The following NBAS variants were observed in gnomAD, a reference collection of about 807,000 sequenced individuals.
The protein encoded by NBAS is NAG/BC035112 fusion.
A neutral mutation model predicts 302.5 loss-of-function variants in NBAS; 219 were observed. The observed-to-expected ratio is 0.72, with a 90% CI of 0.65 to 0.81. The LOEUF is 0.81. Ranked by LOEUF, NBAS falls within the 30% of genes least tolerant of loss-of-function variation. NBAS has a pLI of 0.00. For missense variants in NBAS, 2,932 were observed against 2,841.6 expected, an observed-to-expected ratio of 1.03 and a Z score of -0.72; for synonymous variants, 1,118 against 1,021.6, an observed-to-expected ratio of 1.09 and a Z score of -1.80.
At chr2:15,077,986 A>G in the NBAS span, among the ~76,000 whole-genome samples, 35 of 152,296 alleles carry the variant, frequency 2.3e-4, no homozygotes, top group African/African-American at 7.2e-4. Flanking sequence ...CTGGCCCAAG[A>G]AGGCTTCTTC....
At chr2:15,016,787 T>G in the NBAS span, among the ~76,000 whole-genome samples, 1 of 152,116 alleles carries the variant, frequency 6.6e-6, no homozygotes, top group Non-Finnish European at 1.5e-5. Context: ...CATAGACCAA[T>G]GGAACAGAAT....
chr2:14,930,155 T>C, the NBAS span, among the ~76,000 whole-genome samples: 2 of 152,212 alleles, frequency 1.3e-5, no homozygotes, highest in African/African-American at 2.4e-5. Flanking sequence ...TAGTTCTACA[T>C]AGCAGTGTGA....
the NBAS span, among the ~76,000 whole-genome samples, chr2:14,909,115 G>T: frequency 6.6e-6 from 1 of 151,924 alleles, no homozygotes; most frequent in Non-Finnish European, 1.5e-5. Flanking sequence ...GGCGGATCAC[G>T]AGGTCAGGAG....
intron 9 of NBAS, among the ~76,000 whole-genome samples, chr2:15,516,957 T>C (rs1445117215): frequency 1.3e-5 from 2 of 152,256 alleles, no homozygotes; most frequent in East Asian, 3.9e-4. Flanking sequence ...TAGTAACTCT[T>C]AAAAACTACT....
At chr2:14,845,971 G>A in the NBAS span, among the ~76,000 whole-genome samples, 1 of 152,108 alleles carries the variant, frequency 6.6e-6, no homozygotes, top group East Asian at 1.9e-4. Flanking sequence ...TGAAGGTAGA[G>A]ATAGGGTAGA....
the NBAS span, among the ~76,000 whole-genome samples, chr2:14,971,964 T>C: frequency 6.6e-6 from 1 of 152,282 alleles, no homozygotes; most frequent in Non-Finnish European, 1.5e-5. Context: ...CATAAAATGA[T>C]GCCAGTGATG....
At chr2:15,039,345 C>T in the NBAS span, among the ~76,000 whole-genome samples, 1 of 152,126 alleles carries the variant, frequency 6.6e-6, no homozygotes, top group Non-Finnish European at 1.5e-5. Flanking sequence ...CTCTAAGGCG[C>T]CTTCAGCTCA....
intron 48 of NBAS, among the ~76,000 whole-genome samples, chr2:15,214,219 A>C (rs1039421149): frequency 2.0e-5 from 3 of 152,224 alleles, no homozygotes; most frequent in African/African-American, 7.2e-5. Flanking sequence ...TTTATTCAAC[A>C]AATATTTATT....
At chr2:15,260,598 G>A (rs1381469778) in intron 44 of NBAS, among the ~76,000 whole-genome samples, 1 of 152,164 alleles carries the variant, frequency 6.6e-6, no homozygotes, top group African/African-American at 2.4e-5. Flanking sequence ...TCTGGACAGA[G>A]TGGATGGGGT....
chr2:14,838,556 A>G, the NBAS span, among the ~76,000 whole-genome samples: 71 of 152,004 alleles, frequency 4.7e-4, no homozygotes, highest in African/African-American at 1.5e-3. Flanking sequence ...GTCTGTTTCT[A>G]TTGTCTATTG....
chr2:15,403,633 A>C (rs1676257949), intron 25 of NBAS, among the ~76,000 whole-genome samples: 1 of 152,118 alleles, frequency 6.6e-6, no homozygotes. Context: ...TTGAGCATCC[A>C]TGGATTTTGG....
the NBAS span, among the ~76,000 whole-genome samples, chr2:15,158,499 T>C: frequency 6.2e-4 from 95 of 152,338 alleles, no homozygotes; most frequent in African/African-American, 2.1e-3. Context: ...ATGGTGTCTT[T>C]GCTGCATAAG....
chr2:15,349,123 A>G (rs147637775), intron 35 of NBAS, among the ~76,000 whole-genome samples: 1 of 152,378 alleles, frequency 6.6e-6, no homozygotes, highest in East Asian at 1.9e-4. Flanking sequence ...CCACTGGAAC[A>G]TAACAGATGT....
At chr2:15,230,577 C>A (rs1667341521) in intron 47 of NBAS, among the ~76,000 whole-genome samples, 1 of 152,050 alleles carries the variant, frequency 6.6e-6, no homozygotes, top group South Asian at 2.1e-4. Context: ...GTAAACGTGG[C>A]TAGAAATTCA....
At position 15,383,296 on chromosome 2, in the gene NBAS, A is replaced by G; in HGVS notation, c.3279T>C (p.Ser1093=). The change falls in exon 29 of 52, where the codon TCT becomes TCC. Residue 1093 remains serine, a synonymous_variant. Transcript: ENST00000281513. The part of the protein sequence containing the change: ...TGRKQPPVSE[S]HWRTLLQDML... ...TGTCTTGCAGCAACGTTCTCCAATG[A>G]GACTCACTGACAGGAGGCTGCCTGG... The G allele has an allele frequency of 6.2e-7, 1 of 1,614,032 alleles. No individual in the cohort carries two copies. The highest frequency in any genetic ancestry group is 8.5e-7 in the Non-Finnish European group (1 of 1,179,956).
chr2:15,438,421 A>G (rs927142492), intron 21 of NBAS, among the ~76,000 whole-genome samples: 1 of 152,222 alleles, frequency 6.6e-6, no homozygotes, highest in African/African-American at 2.4e-5. Flanking sequence ...ACTTTAAAAC[A>G]CTAAAAGAGA....
At chr2:14,879,554 A>C in the NBAS span, among the ~76,000 whole-genome samples, 1 of 152,188 alleles carries the variant, frequency 6.6e-6, no homozygotes, top group Admixed American at 6.5e-5. Context: ...ATATAAACAG[A>C]TTACAAATCT....
chr2:15,307,246 T>G (rs1056321597), intron 40 of NBAS, among the ~76,000 whole-genome samples: 4 of 152,198 alleles, frequency 2.6e-5, no homozygotes, highest in African/African-American at 9.7e-5. Flanking sequence ...AAAACGGGCT[T>G]TCCTATAGAG....
the NBAS span, among the ~76,000 whole-genome samples, chr2:14,795,943 T>A: frequency 6.6e-6 from 1 of 152,180 alleles, no homozygotes; most frequent in African/African-American, 2.4e-5. Context: ...CTTTTAGAAG[T>A]TTTATGATTT....
Sources: gnomAD v4.1 joint callset for allele counts (sites outside exome capture counted in the v4.1 genomes callset) on GRCh38, gnomAD v4.1.1 for gene constraint, MANE v1.5 for transcripts, NCBI Gene and HGNC (gene_info 2026-07-23, HGNC 2026-07-21) for gene names.